The following GGACT variants were observed in gnomAD, a reference collection of about 807,000 sequenced individuals.
The protein encoded by GGACT is gamma-glutamylaminecyclotransferase.
For missense variants in GGACT, 241 were observed against 233.2 expected (o/e 1.03, Z -0.22); for synonymous variants, 118 against 115.3 (o/e 1.02, Z -0.15).
At chr13:100,576,035 C>T (rs1427180970) in intron 2 of GGACT, among the ~76,000 whole-genome samples, 1 of 152,166 alleles carries the variant, frequency 6.6e-6, no homozygotes, top group East Asian at 1.9e-4. Context: ...TTTTGTAATA[C>T]TTTGCCAAAT....
chr13:100,568,556 G>A (rs377188171), intron 2 of GGACT, among the ~76,000 whole-genome samples: 25 of 152,188 alleles, frequency 1.6e-4, no homozygotes, highest in Non-Finnish European at 2.9e-4. Flanking sequence ...CCCATGACAC[G>A]TCAGGATTAT....
intron 2 of GGACT, among the ~76,000 whole-genome samples, chr13:100,565,823 C>T (rs2088805882): frequency 6.6e-6 from 1 of 152,190 alleles, no homozygotes; most frequent in Admixed American, 6.5e-5. Context: ...CCTGGCATCC[C>T]TGTCCCTGTG....
intron 2 of GGACT, among the ~76,000 whole-genome samples, chr13:100,568,556 G>C (rs377188171): frequency 5.3e-5 from 8 of 152,188 alleles, no homozygotes; most frequent in Non-Finnish European, 1.2e-4. Flanking sequence ...CCCATGACAC[G>C]TCAGGATTAT....
At chr13:100,561,046 C>G (rs1381054378) in intron 2 of GGACT, among the ~76,000 whole-genome samples, 1 of 152,216 alleles carries the variant, frequency 6.6e-6, no homozygotes, top group Admixed American at 6.5e-5. Context: ...ACACGTGCCT[C>G]TTCCCCCGGC....
intron 2 of GGACT, among the ~76,000 whole-genome samples, chr13:100,554,850 AG>A (rs1242108785): frequency 6.6e-6 from 1 of 152,216 alleles, no homozygotes; most frequent in Non-Finnish European, 1.5e-5. Flanking sequence ...AGAAATCATC[AG>A]TATAAGAAAT....
intron 2 of GGACT, chr13:100,536,350 A>C (rs973586731): frequency 1.3e-5 from 2 of 152,040 alleles, no homozygotes; most frequent in Non-Finnish European, 2.9e-5. Flanking sequence ...TGGCTCTCCC[A>C]ATATTCCGGC....
At chr13:100,551,960 G>A (rs919153251) in intron 2 of GGACT, among the ~76,000 whole-genome samples, 1 of 152,154 alleles carries the variant, frequency 6.6e-6, no homozygotes, top group Non-Finnish European at 1.5e-5. Flanking sequence ...GAAAGGAGGT[G>A]CTGCCTGGCT....
At position 100,535,797 on chromosome 13, in the gene GGACT, G is replaced by GT. The variant is rs879735289; in HGVS notation, c.-10-3197dup. 3.4e-4 allele frequency: 52 copies of GT among 152,012 alleles called. 2 individuals carry two copies. Among genetic ancestry groups the GT allele is most frequent in the South Asian group, 3.1e-3 (15 of 4,804 alleles). 9.4% of individuals were successfully genotyped at this position (152,012 alleles called of 1,614,324 possible). A position where few individuals can be genotyped will look rare whatever the true frequency, so the allele number is the denominator to read the frequency against. On this transcript the variant is annotated intron_variant, in intron 2 of 2. Coordinates refer to ENST00000683975, the MANE Select transcript of GGACT (RefSeq NM_001195087.2). Reference sequence around the variant, plus strand: ...TGAAATTAAAAATTGCTTCAAGTTTGTTTTTTTTGTTTGTTTTGCATTTCG... The same window carrying GT: ...TGAAATTAAAAATTGCTTCAAGTTTGTTTTTTTTTGTTTGTTTTGCATTTCG...
intron 2 of GGACT, among the ~76,000 whole-genome samples, chr13:100,574,963 C>T (rs1566538747): frequency 6.6e-6 from 1 of 152,118 alleles, no homozygotes; most frequent in Admixed American, 6.6e-5. Context: ...TCAGCCACAG[C>T]AACCTCAAGA....
rs755235689 is a variant in GGACT, at chr13:100,550,299, TACACACACACACACAC to T, written c.-10-17714_-10-17699del. Reference sequence around the variant, plus strand: ...AATTAAATCCGAGCCGATTATACTCTACACACACACACACACACACACACACACACACACACACACA... The same window carrying T: ...AATTAAATCCGAGCCGATTATACTCTACACACACACACACACACACACACA... On this transcript the variant is annotated intron_variant, in intron 2 of 2. Transcript: ENST00000683975. Among the ~76,000 whole-genome samples, 95 of 27,228 alleles carry T rather than the reference TACACACACACACACAC, an allele frequency of 3.5e-3. 1 individual carries two copies. The highest frequency in any genetic ancestry group is 9.6e-3 in the African/African-American group (55 of 5,730). The allele number at this position is 27,228 out of a possible 152,430, so 17.9% of individuals were successfully genotyped here. A position where few individuals can be genotyped will look rare whatever the true frequency, so the allele number is the denominator to read the frequency against.
At chr13:100,538,940 GGTTAA>G (rs940372235) in intron 2 of GGACT, 5 of 152,128 alleles carry the variant, frequency 3.3e-5, no homozygotes, top group Non-Finnish European at 5.9e-5. Context: ...TTGCCTGCTT[GGTTAA>G]GTTTATTCCT....
chr13:100,584,551 T>A (rs1875509871), intron 1 of GGACT, among the ~76,000 whole-genome samples: 1 of 151,974 alleles, frequency 6.6e-6, no homozygotes, highest in Non-Finnish European at 1.5e-5. Context: ...AGGAATAAGA[T>A]CTAGTATTTG....
chr13:100,543,439 C>T (rs1029240766), intron 2 of GGACT, among the ~76,000 whole-genome samples: 1 of 151,984 alleles, frequency 6.6e-6, no homozygotes, highest in African/African-American at 2.4e-5. Context: ...AACTCTTGAC[C>T]TTGTGATCCG....
At chr13:100,552,757 G>A (rs2088676277) in intron 2 of GGACT, among the ~76,000 whole-genome samples, 1 of 152,178 alleles carries the variant, frequency 6.6e-6, no homozygotes, top group South Asian at 2.1e-4. Context: ...GAGCATCTAG[G>A]ACGGGCCAGG....
At chr13:100,572,359 G>A (rs1222143331) in intron 2 of GGACT, among the ~76,000 whole-genome samples, 1 of 152,280 alleles carries the variant, frequency 6.6e-6, no homozygotes, top group East Asian at 1.9e-4. Context: ...AATTCATACA[G>A]ACAGGAAACA....
At chr13:100,557,449 G>C (rs2088718434) in intron 2 of GGACT, among the ~76,000 whole-genome samples, 1 of 152,128 alleles carries the variant, frequency 6.6e-6, no homozygotes, top group South Asian at 2.1e-4. Context: ...GTACAGAACA[G>C]AGTCCAGAAG....
chr13:100,551,218 A>T (rs917994697), intron 2 of GGACT, among the ~76,000 whole-genome samples: 6 of 151,918 alleles, frequency 3.9e-5, no homozygotes, highest in African/African-American at 1.5e-4. Context: ...CGGGAGGTGG[A>T]GCTTGCAGTG....
At chr13:100,588,112 C>A (rs1875636962) in intron 1 of GGACT, among the ~76,000 whole-genome samples, 1 of 152,156 alleles carries the variant, frequency 6.6e-6, no homozygotes, top group Non-Finnish European at 1.5e-5. Flanking sequence ...AAGCTGTGTT[C>A]AAAAAACACT....
chr13:100,549,613 C>T (rs1327958845), intron 2 of GGACT, among the ~76,000 whole-genome samples: 2 of 152,266 alleles, frequency 1.3e-5, no homozygotes, highest in African/African-American at 4.8e-5. Context: ...CTCCAGTGGG[C>T]TCTGTAAGGC....
Sources: allele counts gnomAD v4.1 joint callset (sites outside exome capture counted in the v4.1 genomes callset), GRCh38; gene constraint gnomAD v4.1.1; transcripts MANE v1.5; gene names NCBI Gene and HGNC (gene_info 2026-07-23, HGNC 2026-07-21).